The following PIWIL2 variants were observed in gnomAD, a reference collection of about 807,000 sequenced individuals.
PIWIL2 encodes piwi-like protein 2.
Under a neutral mutation model 116.5 loss-of-function variants are expected in PIWIL2, and 81 were observed. The observed-to-expected ratio is 0.70, with a 90% CI of 0.58 to 0.84. PIWIL2 has a LOEUF of 0.84. PIWIL2 is among the 40% of genes least tolerant of loss of function. The pLI, the probability that PIWIL2 is intolerant of heterozygous loss-of-function variation, is 0.00. For synonymous variants in PIWIL2, 489 were observed against 429.5 expected (o/e 1.14, Z -1.71); for missense variants, 1,272 against 1,212.3 (o/e 1.05, Z -0.73).
Position 22,281,165 on chromosome 8 carries a change from A to T in PIWIL2, c.244A>T (p.Thr82Ser). Residue 82 changes from threonine (T) to serine (S), a missense_variant, in exon 3 of 23, where the codon ACA (threonine) becomes TCA (serine). Transcript: ENST00000356766. ...VSMFRGLGIE[T>S]VSKTPLKREM... ...CATGTTCCGAGGCCTGGGCATTGAA[A>T]CAGTTTCTAAGACCCCTCTGAAACG... The T allele has an allele frequency of 6.2e-7, 1 of 1,612,996 alleles. No homozygotes were observed. The highest frequency in any genetic ancestry group is 8.5e-7 in the Non-Finnish European group (1 of 1,179,622).
At chr8:22,288,711 G>T in intron 8 of PIWIL2, 45 bp downstream of exon 8, 1 of 1,538,736 alleles carries the variant, frequency 6.5e-7, no homozygotes, top group Non-Finnish European at 8.9e-7. Context: ...CTTCAGTCTT[G>T]TATTTACAGT....
intron 20 of PIWIL2, among the ~76,000 whole-genome samples, chr8:22,339,818 C>A (rs11986996): frequency 1.3e-5 from 2 of 152,050 alleles, no homozygotes; most frequent in Admixed American, 1.3e-4. Context: ...AACATTTTGA[C>A]TAGACATTTC....
At chr8:22,306,118 G>A (rs1283653945) in intron 13 of PIWIL2, 102 bp downstream of exon 13, 9 of 779,752 alleles carry the variant, frequency 1.2e-5, no homozygotes, top group Admixed American at 8.1e-5. Flanking sequence ...TCTGATGTTG[G>A]CTTGCATTGT....
chr8:22,295,958 A>C (rs1830890126), intron 10 of PIWIL2, among the ~76,000 whole-genome samples: 1 of 149,306 alleles, frequency 6.7e-6, no homozygotes, highest in Non-Finnish European at 1.5e-5. Context: ...GATCGGCTTC[A>C]GTTCGGCTGG....
intron 7 of PIWIL2, among the ~76,000 whole-genome samples, chr8:22,287,964 G>A (rs1830667501): frequency 6.6e-6 from 1 of 152,322 alleles, no homozygotes; most frequent in East Asian, 1.9e-4. Flanking sequence ...TGAGAGGAAT[G>A]GTTGGAAGTC....
intron 19 of PIWIL2, 112 bp downstream of exon 19, chr8:22,316,445 A>G (rs1343456034): frequency 1.4e-6 from 1 of 731,798 alleles, no homozygotes; most frequent in Middle Eastern, 2.4e-4. Context: ...AAAGATTTCT[A>G]AACATTTTCT....
chr8:22,354,312 G>T lies in PIWIL2; in HGVS notation c.2699G>T (p.Cys900Phe). The change falls in exon 22 of 23, where the codon TGT becomes TTT. Residue 900 changes from cysteine (C) to phenylalanine (F), a missense_variant. By Grantham distance (205) the Cys-to-Phe change is radical (BLOSUM62 -2). Transcript: ENST00000356766. ...CTTGCCCATCATGTACGGCAGGGCT[G>T]TGGCATTCCTACGCATTATGTCTGT... Reference protein sequence around the residue: ...YLLAHHVRQGCGIPTHYVCVL... With the variant: ...YLLAHHVRQGFGIPTHYVCVL... 1.2e-6 allele frequency: 2 copies of T among 1,613,718 alleles called. No individual in the cohort carries two copies. Among genetic ancestry groups the T allele is most frequent in the Non-Finnish European group, 1.7e-6 (2 of 1,179,682 alleles).
chr8:22,319,315 G>A (rs1303461803), intron 20 of PIWIL2, among the ~76,000 whole-genome samples: 1 of 151,992 alleles, frequency 6.6e-6, no homozygotes, highest in Non-Finnish European at 1.5e-5. Context: ...TTTTTTTAAA[G>A]TCTGTCTCCA....
At chr8:22,331,556 TAGAA>T (rs768405524) in intron 20 of PIWIL2, among the ~76,000 whole-genome samples, 2 of 152,054 alleles carry the variant, frequency 1.3e-5, no homozygotes, top group Non-Finnish European at 2.9e-5. Context: ...AACAAAGAAT[TAGAA>T]AGCATGAAAA....
chr8:22,290,772 A>G (rs1239513743), intron 10 of PIWIL2, among the ~76,000 whole-genome samples: 1 of 151,832 alleles, frequency 6.6e-6, no homozygotes, highest in African/African-American at 2.4e-5. Context: ...TTTTAGTTGT[A>G]GAATAACTGA....
chr8:22,352,809 T>C, intron 20 of PIWIL2, 150 bp from the exon 21 acceptor site: 1 of 703,190 alleles, frequency 1.4e-6, no homozygotes. Flanking sequence ...AGAAGCTTTT[T>C]TTCCCTGCCC....
At chr8:22,284,325 A>G in intron 6 of PIWIL2, 53 bp downstream of exon 6, 1 of 907,726 alleles carries the variant, frequency 1.1e-6, no homozygotes, top group South Asian at 1.5e-5. Flanking sequence ...AGTAAAAAAA[A>G]TAGTTCCCCT....
chr8:22,315,774 A>C (rs1189926680), intron 18 of PIWIL2, among the ~76,000 whole-genome samples: 1 of 152,232 alleles, frequency 6.6e-6, no homozygotes, highest in Non-Finnish European at 1.5e-5. Context: ...TTTTGTGTTA[A>C]GCAGATAGAA....
intron 10 of PIWIL2, among the ~76,000 whole-genome samples, chr8:22,296,036 TTTTTTTTTTTTTTTTTTTTTTTG>T (rs1563364615): frequency 1.6e-3 from 45 of 27,714 alleles, no homozygotes; most frequent in African/African-American, 7.9e-3. Flanking sequence ...TTTTTTTTTT[TTTTTTTTTTTTTTTTTTTTTTTG>T]TTGTTGTTGT....
intron 14 of PIWIL2, among the ~76,000 whole-genome samples, 159 bp from the exon 15 acceptor site, chr8:22,309,802 C>A (rs1436874641): frequency 3.3e-5 from 5 of 152,132 alleles, no homozygotes; most frequent in African/African-American, 1.2e-4. Flanking sequence ...TTGACAGGGA[C>A]TTTCACTGCT....
chr8:22,345,103 G>A (rs957952103), intron 20 of PIWIL2, among the ~76,000 whole-genome samples: 3 of 152,164 alleles, frequency 2.0e-5, no homozygotes, highest in Non-Finnish European at 2.9e-5. Flanking sequence ...ACTTGAACCC[G>A]GGAGTTTAAG....
intron 20 of PIWIL2, among the ~76,000 whole-genome samples, chr8:22,331,873 G>A (rs992666130): frequency 1.3e-5 from 2 of 152,014 alleles, no homozygotes; most frequent in African/African-American, 2.4e-5. Context: ...CCTCTTTTAA[G>A]ATCTTATGTG....
At chr8:22,286,642 G>A (rs1310673666) in intron 6 of PIWIL2, among the ~76,000 whole-genome samples, 1 of 152,082 alleles carries the variant, frequency 6.6e-6, no homozygotes, top group Non-Finnish European at 1.5e-5. Context: ...TTTATTTTGA[G>A]ACAGAGTCTC....
intron 10 of PIWIL2, among the ~76,000 whole-genome samples, chr8:22,290,934 A>G (rs997544445): frequency 3.3e-5 from 5 of 151,616 alleles, no homozygotes; most frequent in Non-Finnish European, 7.4e-5. Context: ...AATAATATAC[A>G]ATGTATGTGT....
Sources: gnomAD v4.1 joint callset for allele counts (sites outside exome capture counted in the v4.1 genomes callset) on GRCh38, gnomAD v4.1.1 for gene constraint, MANE v1.5 for transcripts, NCBI Gene and HGNC (gene_info 2026-07-23, HGNC 2026-07-21) for gene names.